SYNE1: variants seen among roughly 807,000 people sequenced by gnomAD.
SYNE1 encodes the protein nesprin-1.
In SYNE1, 616 loss-of-function variants were observed where a neutral mutation model predicts 1,111.0. The ratio of observed to expected loss-of-function variants is 0.55; its 90% CI spans 0.52 to 0.59. SYNE1 has a LOEUF of 0.59. Ranked by LOEUF, SYNE1 falls within the 20% of genes least tolerant of loss-of-function variation. SYNE1 has a pLI of 0.00. For synonymous variants in SYNE1, 3,855 were observed against 3,825.8 expected, an observed-to-expected ratio of 1.01 and a Z score of -0.28; for missense variants, 10,006 against 10,417.0, an observed-to-expected ratio of 0.96 and a Z score of 1.72.
Position 152,628,254 on chromosome 6 carries a change from C to G in SYNE1, c.67+11G>C. ...TGAATTTTTTTAAAACCTGAAATTT[C>G]TTCCCCCTACCTTGCAGCCTCTGCA... is the stretch of plus-strand genomic sequence containing the variant. On this transcript the variant is annotated intron_variant, in intron 3 of 145. Coordinates refer to ENST00000367255, the MANE Select transcript of SYNE1 (RefSeq NM_182961.4). 6.2e-7 allele frequency: 1 copy of G among 1,614,026 alleles called. No individual in the cohort carries two copies. The highest frequency in any genetic ancestry group is 8.5e-7 in the Non-Finnish European group (1 of 1,179,984).
rs565983459 is a variant in SYNE1, at chr6:152,334,354, C to A, written c.12529-81G>T. The A allele has an allele frequency of 2.7e-5, 40 of 1,468,580 alleles. 2 individuals are homozygous for A. The South Asian group carries it at 4.5e-4, about 16-fold the overall frequency. 91.0% of individuals were successfully genotyped at this position (1,468,580 alleles called of 1,614,324 possible). On this transcript the variant is annotated intron_variant, in intron 76 of 145. Coordinates refer to ENST00000367255, the MANE Select transcript of SYNE1 (RefSeq NM_182961.4). ...TATAGAGAGCAACACAGACATAAGA[C>A]CTTTAAACACTCTAAGTTCCTTAAT...
Position 152,369,569 on chromosome 6 carries a change from T to G in SYNE1, c.9553A>C (p.Ile3185Leu). The change falls in exon 60 of 146, where the codon ATC becomes CTC. Residue 3185 changes from isoleucine (I) to leucine (L), a missense_variant. Ile to Leu is a conservative substitution (Grantham distance 5, BLOSUM62 2). This residue lies in a region of SYNE1 where 4,955 missense variants were observed against 5,017.2 expected (regional missense o/e 0.99). Coordinates refer to ENST00000367255, the MANE Select transcript of SYNE1 (RefSeq NM_182961.4). ...TCAGTTTTACTCAGCCAGTCCTGGA[T>G]AGGCTCAGCACTTACTTCAAAGTCC... Reference protein sequence around the residue: ...MKDFEVSAEPIQDWLSKTEKM... With the variant: ...MKDFEVSAEPLQDWLSKTEKM... 1 of 1,614,192 alleles carries G rather than the reference T, an allele frequency of 6.2e-7. No homozygotes were observed. The highest frequency in any genetic ancestry group is 1.1e-5 in the South Asian group (1 of 91,082).
intron 9 of SYNE1, 33 bp downstream of exon 9, chr6:152,505,168 A>G: frequency 6.2e-7 from 1 of 1,608,132 alleles, no homozygotes; most frequent in South Asian, 1.1e-5. Context: ...CTCCGTGTTA[A>G]GGTATATAAC....
chr6:152,253,825 T>TTGTTTGTTTG (rs2090082587), intron 104 of SYNE1, among the ~76,000 whole-genome samples: 2 of 56,062 alleles, frequency 3.6e-5, no homozygotes, highest in African/African-American at 1.4e-4. Flanking sequence ...TTGGTTTTTT[T>TTGTTTGTTTG]TTTTTTTTTT....
At chr6:152,137,226 G>C (rs1018969185) in intron 140 of SYNE1, among the ~76,000 whole-genome samples, 3 of 152,158 alleles carry the variant, frequency 2.0e-5, no homozygotes, top group Non-Finnish European at 2.9e-5. Flanking sequence ...GGGGGTGCAG[G>C]GGGGAGGAAT....
chr6:152,587,233 T>C (rs1350688328), intron 3 of SYNE1, among the ~76,000 whole-genome samples: 4 of 152,302 alleles, frequency 2.6e-5, no homozygotes, highest in Non-Finnish European at 5.9e-5. Flanking sequence ...TTGAATTTTT[T>C]CCACAATTTT....
intron 34 of SYNE1, 119 bp from the exon 35 acceptor site, chr6:152,430,828 T>G: frequency 1.0e-6 from 1 of 987,412 alleles, no homozygotes; most frequent in Non-Finnish European, 1.6e-6. Flanking sequence ...ACTTGGATGG[T>G]TAGAGCGCAG....
chr6:152,494,103 C>G (rs2098986625), intron 11 of SYNE1, among the ~76,000 whole-genome samples: 2 of 152,188 alleles, frequency 1.3e-5, no homozygotes. Flanking sequence ...CAGTTCTGAG[C>G]TGGCCTTCAT....
intron 3 of SYNE1, among the ~76,000 whole-genome samples, chr6:152,589,068 G>A (rs951812414): frequency 6.6e-6 from 1 of 151,794 alleles, no homozygotes; most frequent in South Asian, 2.1e-4. Context: ...CACCACGCCC[G>A]GATCATTTTT....
chr6:152,171,607 C>T (rs933187128), intron 130 of SYNE1, among the ~76,000 whole-genome samples: 2 of 152,150 alleles, frequency 1.3e-5, no homozygotes, highest in Admixed American at 1.3e-4. Context: ...CAATCAGGAG[C>T]TGGCCAGGCC....
At chr6:152,614,432 G>A (rs964189140) in intron 3 of SYNE1, among the ~76,000 whole-genome samples, 1 of 152,162 alleles carries the variant, frequency 6.6e-6, no homozygotes, top group Non-Finnish European at 1.5e-5. Flanking sequence ...ACCACAAGGA[G>A]ATACCATCTC....
intron 29 of SYNE1, among the ~76,000 whole-genome samples, chr6:152,446,202 C>T (rs1021100696): frequency 2.7e-5 from 4 of 150,488 alleles, no homozygotes; most frequent in African/African-American, 7.3e-5. Context: ...TCAAAGATCA[C>T]CTTCATGTAC....
intron 137 of SYNE1, chr6:152,144,295 G>A (rs2059061216): frequency 4.8e-6 from 1 of 208,836 alleles, no homozygotes; most frequent in African/African-American, 2.3e-5. Flanking sequence ...AGAAAAGAGT[G>A]CCTCAGAATA....
At chr6:152,472,858 A>G (rs1445989144) in intron 14 of SYNE1, among the ~76,000 whole-genome samples, 1 of 152,226 alleles carries the variant, frequency 6.6e-6, no homozygotes, top group Non-Finnish European at 1.5e-5. Context: ...ATGCATGCAG[A>G]CTATTATAAA....
Position 152,310,536 on chromosome 6 carries a change from ATG to A in SYNE1, c.16897-20_16897-19del. 1 of 1,613,962 alleles carries A rather than the reference ATG, an allele frequency of 6.2e-7. No individual in the cohort carries two copies. Among genetic ancestry groups the A allele is most frequent in the African/African-American group, 1.3e-5 (1 of 75,074 alleles). ...TTCATATCCTAGAGAGTCAATATCA[ATG>A]TATTGTACTTGAAGTTCAAAGCCAT... On this transcript the variant is annotated intron_variant, in intron 88 of 145. Coordinates refer to ENST00000367255, the MANE Select transcript of SYNE1 (RefSeq NM_182961.4).
At chr6:152,391,592 A>G (rs755681487) in intron 51 of SYNE1, 24 bp from the exon 52 acceptor site, 1 of 1,545,030 alleles carries the variant, frequency 6.5e-7, no homozygotes, top group African/African-American at 1.8e-5. Context: ...AAAAAAAAAA[A>G]AAGAAAAAAA....
intron 3 of SYNE1, among the ~76,000 whole-genome samples, chr6:152,608,141 A>G (rs769100991): frequency 6.9e-6 from 1 of 144,324 alleles, no homozygotes; most frequent in Non-Finnish European, 1.5e-5. Context: ...GCACATGTAT[A>G]CTGGAACTTA....
chr6:152,401,127 T>A lies in SYNE1; in HGVS notation c.7029+11A>T. ...TTGAATGGAAGCACTTAATGATAGTTTATTACCTACCTTGACTTTTTTCAA... is the reference window on the plus strand; with the variant it reads ...TTGAATGGAAGCACTTAATGATAGTATATTACCTACCTTGACTTTTTTCAA... On this transcript the variant is annotated intron_variant, in intron 47 of 145. Transcript: ENST00000367255. 6.2e-7 allele frequency: 1 copy of A among 1,613,352 alleles called. No homozygotes were observed. The highest frequency in any genetic ancestry group is 8.5e-7 in the Non-Finnish European group (1 of 1,179,494).
chr6:152,563,730 G>A (rs1246131110), intron 3 of SYNE1, among the ~76,000 whole-genome samples: 2 of 152,130 alleles, frequency 1.3e-5, no homozygotes, highest in African/African-American at 4.8e-5. Context: ...TAGAATTTGG[G>A]AGAAGAAATT....
Sources: allele counts gnomAD v4.1 joint callset (sites outside exome capture counted in the v4.1 genomes callset), GRCh38; gene constraint gnomAD v4.1.1; regional missense constraint gnomAD v4.1.1; transcripts MANE v1.5; gene names NCBI Gene and HGNC (gene_info 2026-07-23, HGNC 2026-07-21).